The following NUCB2 variants were observed in gnomAD, a reference collection of about 807,000 sequenced individuals.
NUCB2 encodes the protein nucleobindin 2.
Under a neutral mutation model 57.9 loss-of-function variants are expected in NUCB2, and 48 were observed. That is an observed-to-expected ratio of 0.83 (90% CI 0.66 to 1.05). The LOEUF (loss-of-function observed/expected upper bound fraction) is 1.05, where lower values mean the gene tolerates loss of function less well. Ranked by LOEUF, NUCB2 falls within the 50% of genes least tolerant of loss-of-function variation. The pLI is 0.00. For missense variants in NUCB2, 442 were observed against 476.2 expected (o/e 0.93, Z 0.67); for synonymous variants, 139 against 152.1 (o/e 0.91, Z 0.64).
In NUCB2 at chr11:17,312,039, A is replaced by T; in HGVS notation, c.831A>T (p.Val277=). The T allele has an allele frequency of 6.3e-7, 1 of 1,585,274 alleles. No individual in the cohort carries two copies. The highest frequency in any genetic ancestry group is 8.6e-7 in the Non-Finnish European group (1 of 1,166,818). Residue 277 remains valine, a synonymous_variant, in exon 10 of 14, where the codon GTA becomes GTT. Transcript: ENST00000529010. ...ATTTTTCTTTTTAGTTGGAGAAAGTATATGACCCTAAAAATGAAGAGGATG... is the reference window on the plus strand; with the variant it reads ...ATTTTTCTTTTTAGTTGGAGAAAGTTTATGACCCTAAAAATGAAGAGGATG... ...EALFTKELEK[V]YDPKNEEDDM...
intron 2 of NUCB2, among the ~76,000 whole-genome samples, chr11:17,340,386 G>T (rs1952157176): frequency 6.6e-6 from 1 of 152,144 alleles, no homozygotes; most frequent in South Asian, 2.1e-4. Flanking sequence ...GGCTTTTGTT[G>T]CCATTGCTTT....
intron 5 of NUCB2, among the ~76,000 whole-genome samples, chr11:17,309,068 C>G (rs890640422): frequency 1.3e-5 from 2 of 152,070 alleles, no homozygotes; most frequent in Admixed American, 6.6e-5. Context: ...AACCCCAGCA[C>G]TTTGAGAGGC....
intron 5 of NUCB2, among the ~76,000 whole-genome samples, chr11:17,303,145 G>A (rs1332426921): frequency 6.6e-6 from 1 of 152,042 alleles, no homozygotes; most frequent in African/African-American, 2.4e-5. Context: ...GATTACATAT[G>A]CATAAGAATA....
chr11:17,279,320 G>C (rs1007589610), intron 1 of NUCB2, among the ~76,000 whole-genome samples: 5 of 152,134 alleles, frequency 3.3e-5, no homozygotes, highest in African/African-American at 1.2e-4. Context: ...AGTATACTTA[G>C]TTAGAATTTC....
At chr11:17,324,320 A>G (rs1232653480) in intron 11 of NUCB2, among the ~76,000 whole-genome samples, 1 of 152,162 alleles carries the variant, frequency 6.6e-6, no homozygotes, top group Non-Finnish European at 1.5e-5. Context: ...CTGGTTATTC[A>G]GGAGCATATT....
intron 11 of NUCB2, among the ~76,000 whole-genome samples, chr11:17,318,489 A>G (rs550036437): frequency 6.6e-6 from 1 of 152,308 alleles, no homozygotes; most frequent in African/African-American, 2.4e-5. Context: ...GCTGCTACAA[A>G]TACATTTTTA....
rs1321400707 is a variant in NUCB2, at chr11:17,300,193, C to T, written c.253-1551C>T. Among the ~76,000 whole-genome samples the T allele has an allele frequency of 2.6e-5, 4 of 151,880 alleles. No individual in the cohort carries two copies. In the East Asian group the frequency reaches 7.7e-4, roughly 29 times the overall value. The stretch of plus-strand genomic sequence containing the variant: ...ACCTGGCTAATTTTTGTATTTTTAG[C>T]AGAGATGGGTTTTCGCCATGTTGGC... On this transcript the variant is annotated intron_variant, in intron 4 of 13. Coordinates refer to ENST00000529010, the MANE Select transcript of NUCB2 (RefSeq NM_005013.4).
Position 17,330,910 on chromosome 11 carries a change from G to A in NUCB2, c.1182G>A (p.Gln394=). The A allele has an allele frequency of 6.3e-7, 1 of 1,597,420 alleles. No homozygotes were observed. Among genetic ancestry groups the A allele is most frequent in the Non-Finnish European group, 8.6e-7 (1 of 1,167,190 alleles). Residue 394 remains glutamine, a synonymous_variant, in exon 13 of 14, where the codon CAG becomes CAA. Transcript: ENST00000529010. The surrounding 1 kb of genome is among the most constrained non-coding windows in gnomAD (Gnocchi z 4.3). ...AQKLEYHQVI[Q]QMEQKKLQQG... ...CATTTTCCATTCACCAGGTCATACA[G>A]CAGATGGAACAAAAAAAATTACAAC...
intron 11 of NUCB2, chr11:17,317,802 G>A (rs576045642): frequency 6.6e-5 from 12 of 182,826 alleles, no homozygotes; most frequent in South Asian, 2.1e-4. Context: ...AAAGTATCTC[G>A]TCTAGCCCAC....
chr11:17,289,787 A>G (rs1475025113), intron 2 of NUCB2, among the ~76,000 whole-genome samples: 2 of 152,190 alleles, frequency 1.3e-5, no homozygotes, highest in Non-Finnish European at 2.9e-5. Flanking sequence ...TTTAGCATTA[A>G]TGTAGATTTT....
intron 11 of NUCB2, among the ~76,000 whole-genome samples, chr11:17,327,353 G>A (rs575541005): frequency 2.0e-5 from 3 of 152,250 alleles, no homozygotes; most frequent in South Asian, 4.1e-4. Flanking sequence ...GAGCCACTAC[G>A]CCTCGCCAGG....
chr11:17,347,893 T>C (rs1952871637), intron 2 of NUCB2, among the ~76,000 whole-genome samples: 1 of 152,212 alleles, frequency 6.6e-6, no homozygotes. Context: ...GCCTGGCTGT[T>C]ACCTAATGGT....
chr11:17,300,066 A>G (rs1946445849), intron 4 of NUCB2, among the ~76,000 whole-genome samples: 1 of 151,900 alleles, frequency 6.6e-6, no homozygotes, highest in Non-Finnish European at 1.5e-5. Context: ...GCTGCAGTGC[A>G]GTGGCATGAT....
At chr11:17,297,241 C>T (rs751664680) in intron 4 of NUCB2, among the ~76,000 whole-genome samples, 6 of 151,952 alleles carry the variant, frequency 3.9e-5, no homozygotes, top group South Asian at 2.1e-4. Context: ...TAAAAAATTA[C>T]GTTGCTTTTT....
intron 2 of NUCB2, among the ~76,000 whole-genome samples, chr11:17,286,921 A>T (rs115377073): frequency 2.0e-5 from 3 of 149,924 alleles, no homozygotes; most frequent in Non-Finnish European, 3.0e-5. Context: ...AATACTTACC[A>T]TTTTTTTTTT....
At chr11:17,325,032 A>G (rs572159645) in intron 11 of NUCB2, among the ~76,000 whole-genome samples, 1 of 152,186 alleles carries the variant, frequency 6.6e-6, no homozygotes, top group African/African-American at 2.4e-5. Flanking sequence ...TGAACTCCTG[A>G]CTTCAAGTTA....
intron 6 of NUCB2, among the ~76,000 whole-genome samples, chr11:17,310,510 G>A (rs1948324176): frequency 6.6e-6 from 1 of 152,000 alleles, no homozygotes; most frequent in African/African-American, 2.4e-5. Context: ...GGTGGTGAGC[G>A]CCTGTAATCC....
chr11:17,311,299 A>C lies in NUCB2; in HGVS notation c.760+16A>C, dbSNP rs775016837. 6.0e-6 allele frequency: 9 copies of C among 1,496,700 alleles called. No homozygotes were observed. Among genetic ancestry groups the C allele is most frequent in the Non-Finnish European group, 8.3e-6 (9 of 1,088,466 alleles). 92.7% of individuals were successfully genotyped at this position (1,496,700 alleles called of 1,614,324 possible). On this transcript the variant is annotated intron_variant, in intron 8 of 13. Coordinates refer to ENST00000529010, the MANE Select transcript of NUCB2 (RefSeq NM_005013.4). Reference sequence around the variant, plus strand: ...AAATTACATGGTAACGATTTGATACAAATATTAATATTTATATCTGCTGCT... The same window carrying C: ...AAATTACATGGTAACGATTTGATACCAATATTAATATTTATATCTGCTGCT...
chr11:17,300,249 C>T (rs528004546), intron 4 of NUCB2, among the ~76,000 whole-genome samples: 3 of 152,258 alleles, frequency 2.0e-5, no homozygotes, highest in East Asian at 1.9e-4. Flanking sequence ...AGCGCTCAAA[C>T]GATCTATCCA....
Sources: gnomAD v4.1 joint callset for allele counts (sites outside exome capture counted in the v4.1 genomes callset) on GRCh38, gnomAD v4.1.1 for gene constraint, Gnocchi (gnomAD v3.1) non-coding constraint, MANE v1.5 for transcripts, NCBI Gene and HGNC (gene_info 2026-07-23, HGNC 2026-07-21) for gene names.